The following PARD6G variants were observed in gnomAD, a reference collection of about 807,000 sequenced individuals.
PARD6G encodes partitioning defective 6 homolog gamma.
In PARD6G, 7 loss-of-function variants were observed where a neutral mutation model predicts 10.7. The ratio of observed to expected loss-of-function variants is 0.66; its 90% CI spans 0.37 to 1.23. The LOEUF (loss-of-function observed/expected upper bound fraction) is 1.23. Ranked by LOEUF, PARD6G falls within the 50% of genes most tolerant of loss-of-function variation. The pLI is 0.02. For missense variants in PARD6G, 548 were observed against 571.8 expected (o/e 0.96, Z 0.42); for synonymous variants, 287 against 269.4 (o/e 1.07, Z -0.64).
At chr18:80,206,306 G>A (rs2145283526) in intron 1 of PARD6G, among the ~76,000 whole-genome samples, 1 of 152,244 alleles carries the variant, frequency 6.6e-6, no homozygotes. Context: ...CAAAAGCATT[G>A]TATTTAAAAA....
Position 80,160,106 on chromosome 18 carries a change from A to C in PARD6G, c.796T>G (p.Ser266Ala). ...GCGGTGCCGTCCGAGGGCGGTCCCG[A>C]GCTGCCCAACGCGCGGCCGCCGCGC... ...VVRGGRALGSSGPPSDGTAGF... is the reference protein window; with the variant it reads ...VVRGGRALGSAGPPSDGTAGF... The change falls in exon 3 of 3, where the codon TCG (serine) becomes GCG (alanine). Residue 266 changes from serine (S) to alanine (A), a missense_variant. This residue lies in a region of PARD6G where 313 missense variants were observed against 279.9 expected (regional missense o/e 1.12). Coordinates refer to ENST00000353265, the MANE Select transcript of PARD6G (RefSeq NM_032510.4). 1 of 1,609,192 alleles carries C rather than the reference A, an allele frequency of 6.2e-7. No individual in the cohort carries two copies. The highest frequency in any genetic ancestry group is 8.5e-7 in the Non-Finnish European group (1 of 1,178,204).
At chr18:80,163,009 A>C (rs939163029) in intron 2 of PARD6G, among the ~76,000 whole-genome samples, 1 of 152,176 alleles carries the variant, frequency 6.6e-6, no homozygotes, top group Admixed American at 6.5e-5. Context: ...CTGTGGATCC[A>C]TGGGGCCGCA....
intron 2 of PARD6G, chr18:80,162,100 C>T (rs567446557): frequency 6.6e-6 from 1 of 152,292 alleles, no homozygotes; most frequent in South Asian, 2.1e-4. Context: ...GTTAATGCAC[C>T]CTGGAGCCGG....
intron 1 of PARD6G, among the ~76,000 whole-genome samples, chr18:80,215,291 T>A (rs1269094308): frequency 3.3e-5 from 5 of 152,182 alleles, no homozygotes; most frequent in Non-Finnish European, 7.4e-5. Flanking sequence ...ACATTACACA[T>A]AACTTGAATC....
At position 80,183,559 on chromosome 18, in the gene PARD6G, G is replaced by A; in HGVS notation, c.295+19151C>T. The A allele has an allele frequency of 5.6e-6, 1 of 178,236 alleles. No homozygotes were observed. The allele number at this position is 178,236 out of a possible 1,614,324, so 11.0% of individuals were successfully genotyped here. A position where few individuals can be genotyped will look rare whatever the true frequency, so the allele number is the denominator to read the frequency against. On this transcript the variant is annotated intron_variant, in intron 2 of 2. Coordinates refer to ENST00000353265, the MANE Select transcript of PARD6G (RefSeq NM_032510.4). The surrounding 1 kb of genome is among the most constrained non-coding windows in gnomAD (Gnocchi z 4.5). ...CACTGTGCGGCCACTCTCTCTCCAAGTACTCTCTGCCCGGGAGCCCACTTC... is the reference window on the plus strand; with the variant it reads ...CACTGTGCGGCCACTCTCTCTCCAAATACTCTCTGCCCGGGAGCCCACTTC...
At chr18:80,170,775 C>T (rs2145251349) in intron 2 of PARD6G, 1 of 152,356 alleles carries the variant, frequency 6.6e-6, no homozygotes, top group South Asian at 2.1e-4. Flanking sequence ...GAAAAGGGAA[C>T]CCTATGGTGC....
At chr18:80,169,427 C>T (rs139676819) in intron 2 of PARD6G, 13 of 152,468 alleles carry the variant, frequency 8.5e-5, no homozygotes, top group South Asian at 4.1e-4. Context: ...CTCAGAATTG[C>T]GGGGAACCCT....
rs963670633 is a variant in PARD6G at position 80,180,512 on chromosome 18, C to T, written c.296-19906G>A. On this transcript the variant is annotated intron_variant, in intron 2 of 2. Transcript: ENST00000353265. This position sits in a 1 kb window ranked among gnomAD's most constrained non-coding sequence, Gnocchi z 5.6. ...GGGGCCCTCCCAGGACCAACCCAGC[C>T]GGTGGTCAGGGGTCCTTGCTCTCTG... is the stretch of plus-strand genomic sequence containing the variant. Among the ~76,000 whole-genome samples the T allele has an allele frequency of 5.9e-5, 9 of 152,140 alleles. No individual in the cohort carries two copies. The highest frequency in any genetic ancestry group is 1.9e-4 in the African/African-American group (8 of 41,416).
chr18:80,167,591 A>G (rs1454992074), intron 2 of PARD6G, among the ~76,000 whole-genome samples: 1 of 152,114 alleles, frequency 6.6e-6, no homozygotes, highest in African/African-American at 2.4e-5. Flanking sequence ...GAGGCGCTGC[A>G]GAGGGTGGAG....
rs912044247 is a variant in PARD6G at position 80,201,453 on chromosome 18, C to A, written c.295+1257G>T. The stretch of plus-strand genomic sequence containing the variant: ...CGAGGGTCCTTGCCCCCAGCAACCC[C>A]GAAGGACTGATGTGGAAGCTGAAGC... On this transcript the variant is annotated intron_variant, in intron 2 of 2. Transcript: ENST00000353265. This position sits in a 1 kb window ranked among gnomAD's most constrained non-coding sequence, Gnocchi z 5.9. Among the ~76,000 whole-genome samples the A allele has an allele frequency of 1.2e-4, 18 of 152,152 alleles. No homozygotes were observed. The highest frequency in any genetic ancestry group is 1.1e-3 in the Admixed American group (17 of 15,284).
chr18:80,195,277 G>C (rs1279626486), intron 2 of PARD6G, among the ~76,000 whole-genome samples: 1 of 151,982 alleles, frequency 6.6e-6, no homozygotes, highest in Non-Finnish European at 1.5e-5. Context: ...TGCTAGACTT[G>C]AACTCTGCAG....
At chr18:80,214,373 G>A (rs746370547) in intron 1 of PARD6G, among the ~76,000 whole-genome samples, 3 of 152,146 alleles carry the variant, frequency 2.0e-5, no homozygotes, top group Non-Finnish European at 4.4e-5. Flanking sequence ...GGCTGAGGCG[G>A]GAGAATGGCA....
At chr18:80,240,321 A>G (rs1319040038) in intron 1 of PARD6G, among the ~76,000 whole-genome samples, 1 of 152,236 alleles carries the variant, frequency 6.6e-6, no homozygotes, top group Non-Finnish European at 1.5e-5. Flanking sequence ...CATCAGCTCA[A>G]AAGTGCAAGT....
In PARD6G at chr18:80,184,890, A is replaced by G. The variant is rs979497653; in HGVS notation, c.295+17820T>C. 6.6e-6 allele frequency: 1 copy of G among 152,230 alleles called. No individual in the cohort carries two copies. The highest frequency in any genetic ancestry group is 2.4e-5 in the African/African-American group (1 of 41,444). The allele number at this position is 152,230 out of a possible 1,614,324, so 9.4% of individuals were successfully genotyped here. ...GGCTGCACAACTCTGTGAACACACT[A>G]AAAACACTGGCTTGGACAACCTAAA... On this transcript the variant is annotated intron_variant, in intron 2 of 2. Coordinates refer to ENST00000353265, the MANE Select transcript of PARD6G (RefSeq NM_032510.4). This position sits in a 1 kb window ranked among gnomAD's most constrained non-coding sequence, Gnocchi z 4.5.
intron 2 of PARD6G, among the ~76,000 whole-genome samples, chr18:80,196,710 G>A (rs1008476751): frequency 2.6e-5 from 4 of 152,008 alleles, no homozygotes; most frequent in Admixed American, 6.5e-5. Context: ...TCATGTGGGC[G>A]CCCTGGAGGA....
At chr18:80,244,369 A>C (rs913104738) in intron 1 of PARD6G, among the ~76,000 whole-genome samples, 1 of 152,162 alleles carries the variant, frequency 6.6e-6, no homozygotes, top group African/African-American at 2.4e-5. Context: ...GAGAAGTATA[A>C]GGGCTGCAAA....
chr18:80,224,570 G>A (rs1029359084), intron 1 of PARD6G, among the ~76,000 whole-genome samples: 6 of 152,128 alleles, frequency 3.9e-5, no homozygotes, highest in Admixed American at 6.5e-5. Flanking sequence ...GTCCAAGGCC[G>A]GGTGCGGTGG....
At chr18:80,218,588 G>A (rs1223113816) in intron 1 of PARD6G, among the ~76,000 whole-genome samples, 3 of 152,142 alleles carry the variant, frequency 2.0e-5, no homozygotes, top group South Asian at 2.1e-4. Flanking sequence ...AGTGTCTGTG[G>A]CTTTTCCAGG....
intron 1 of PARD6G, among the ~76,000 whole-genome samples, chr18:80,226,132 C>G (rs1967285659): frequency 6.7e-6 from 1 of 149,546 alleles, no homozygotes; most frequent in South Asian, 2.1e-4. Flanking sequence ...CCCCTCCCCA[C>G]AGGTAACCAA....
Sources: allele counts gnomAD v4.1 joint callset (sites outside exome capture counted in the v4.1 genomes callset), GRCh38; gene constraint gnomAD v4.1.1; regional missense constraint gnomAD v4.1.1; non-coding constraint Gnocchi (gnomAD v3.1); transcripts MANE v1.5; gene names NCBI Gene and HGNC (gene_info 2026-07-23, HGNC 2026-07-21).